The following DLG2 variants were observed in gnomAD, a reference collection of about 807,000 sequenced individuals.
The protein encoded by DLG2 is disks large homolog 2.
In DLG2, 45 loss-of-function variants were observed where a neutral mutation model predicts 132.5. The observed-to-expected ratio is 0.34, with a 90% CI of 0.27 to 0.44. DLG2 has a LOEUF of 0.44. Among genes scored for constraint, DLG2 ranks in the 20% least tolerant of loss-of-function variants. DLG2 has a pLI of 1.00. For synonymous variants in DLG2, 424 were observed against 419.6 expected, an observed-to-expected ratio of 1.01 and a Z score of -0.13; for missense variants, 1,045 against 1,196.9, an observed-to-expected ratio of 0.87 and a Z score of 1.87.
chr11:84,231,642 G>T lies in DLG2; in HGVS notation c.573+19596C>A, dbSNP rs1018869157. Among the ~76,000 whole-genome samples the T allele has an allele frequency of 3.9e-5, 6 of 152,160 alleles. No individual in the cohort carries two copies. In the East Asian group the frequency reaches 9.6e-4, roughly 24 times the overall value. On this transcript the variant is annotated intron_variant, in intron 8 of 27. Transcript: ENST00000376104. ...ATATTGTGTGAAAGGAATGGAGGAA[G>T]ATAAGGCACCAGTAAAAACTCTGAA...
At chr11:84,460,324 C>A (rs2099077055) in intron 7 of DLG2, among the ~76,000 whole-genome samples, 2 of 150,298 alleles carry the variant, frequency 1.3e-5, no homozygotes, top group African/African-American at 2.4e-5. Flanking sequence ...TTGTTCTTAT[C>A]ATTTTTGACA....
rs1262474599 is a variant in DLG2, at chr11:83,456,037, G to A, written c.*3781C>T. 6.6e-6 allele frequency: 1 copy of A among 152,620 alleles called. No individual in the cohort carries two copies. The allele number at this position is 152,620 out of a possible 1,614,324, so 9.5% of individuals were successfully genotyped here. On this transcript the variant is annotated 3_prime_UTR_variant, in exon 28 of 28. Transcript: ENST00000376104. ...AGCAGAGGGGGCTTCACATAAAAAT[G>A]GGAAAAAGAAAGCTTATGAATGGGA... is the stretch of plus-strand genomic sequence containing the variant.
intron 9 of DLG2, among the ~76,000 whole-genome samples, chr11:84,103,302 A>G (rs1281570642): frequency 2.0e-5 from 3 of 152,106 alleles, no homozygotes; most frequent in Non-Finnish European, 4.4e-5. Flanking sequence ...TGGCTGAATC[A>G]CTTCAATCCC....
intron 4 of DLG2, among the ~76,000 whole-genome samples, chr11:85,212,832 C>G (rs996904391): frequency 2.6e-5 from 4 of 152,128 alleles, no homozygotes; most frequent in Non-Finnish European, 4.4e-5. Context: ...AGTTGAACAT[C>G]TGATCAAATA....
At chr11:85,567,340 T>G (rs958829513) in intron 3 of DLG2, among the ~76,000 whole-genome samples, 4 of 152,202 alleles carry the variant, frequency 2.6e-5, no homozygotes, top group African/African-American at 4.8e-5. Flanking sequence ...TTTCATTTAT[T>G]TGAGCAATGT....
chr11:84,914,066 G>T (rs537677033), intron 6 of DLG2, among the ~76,000 whole-genome samples: 3 of 152,252 alleles, frequency 2.0e-5, no homozygotes, highest in Non-Finnish European at 2.9e-5. Context: ...ATAAATAAAT[G>T]TATGTGTACC....
rs115394285 is a variant in DLG2, at chr11:84,879,275, A to C, written c.357+232386T>G. 1.6e-3 allele frequency among the ~76,000 whole-genome samples: 240 copies of C among 152,296 alleles called. 2 individuals carry two copies. Among genetic ancestry groups the C allele is most frequent in the African/African-American group, 5.6e-3 (232 of 41,570 alleles). On this transcript the variant is annotated intron_variant, in intron 6 of 27. Coordinates refer to ENST00000376104, the MANE Select transcript of DLG2 (RefSeq NM_001142699.3). ...ACAAACAGGATAAAATTTCTGGTTC[A>C]ATTAGACTCTTAGAAATCACCAAAT...
At chr11:84,125,740 A>G (rs1185972357) in intron 9 of DLG2, among the ~76,000 whole-genome samples, 1 of 152,212 alleles carries the variant, frequency 6.6e-6, no homozygotes, top group Non-Finnish European at 1.5e-5. Flanking sequence ...TAGAGGACAC[A>G]TAAGATTTCT....
Position 84,416,454 on chromosome 11 carries a change from A to G in DLG2, c.519+118116T>C, listed in dbSNP as rs146196285. On this transcript the variant is annotated intron_variant, in intron 7 of 27. Transcript: ENST00000376104. ...AGCACAGTAATTTAAAACAACAGTA[A>G]CCAACTCCAAAGAGCATGAATTAGA... is the stretch of plus-strand genomic sequence containing the variant. Among the ~76,000 whole-genome samples the G allele has an allele frequency of 4.5e-3, 679 of 152,338 alleles. 6 individuals carry two copies. The highest frequency in any genetic ancestry group is 0.014 in the Middle Eastern group (4 of 294).
chr11:84,885,555 A>T (rs775201026), intron 6 of DLG2, among the ~76,000 whole-genome samples: 2 of 152,040 alleles, frequency 1.3e-5, no homozygotes, highest in African/African-American at 2.4e-5. Flanking sequence ...GAAATAAGTG[A>T]CTTTAATTCT....
chr11:84,011,546 T>C (rs2094894587), intron 11 of DLG2, among the ~76,000 whole-genome samples: 1 of 152,050 alleles, frequency 6.6e-6, no homozygotes, highest in African/African-American at 2.4e-5. Context: ...ATGTTACAGA[T>C]TGTGAGAAGA....
intron 11 of DLG2, among the ~76,000 whole-genome samples, chr11:83,996,411 G>A (rs1254977003): frequency 6.6e-6 from 1 of 152,144 alleles, no homozygotes; most frequent in Admixed American, 6.5e-5. Context: ...AGAACAGTTT[G>A]GACATTCCTC....
At chr11:83,937,551 A>G (rs997788223) in intron 14 of DLG2, among the ~76,000 whole-genome samples, 1 of 151,658 alleles carries the variant, frequency 6.6e-6, no homozygotes, top group Admixed American at 6.6e-5. Flanking sequence ...TGAAGCAAGA[A>G]CTCATAAACA....
At chr11:85,623,740 T>A (rs1426767140) in intron 2 of DLG2, among the ~76,000 whole-genome samples, 1 of 152,218 alleles carries the variant, frequency 6.6e-6, no homozygotes, top group Non-Finnish European at 1.5e-5. Context: ...ACTAGAAAAT[T>A]CTGTTAAAGC....
At chr11:84,615,818 T>TTAAAAAAAAA (rs2099602984) in intron 6 of DLG2, among the ~76,000 whole-genome samples, 3 of 67,640 alleles carry the variant, frequency 4.4e-5, no homozygotes, top group African/African-American at 1.2e-4. Flanking sequence ...ACAAAAACGG[T>TTAAAAAAAAA]AAAAAAAAAA....
intron 6 of DLG2, among the ~76,000 whole-genome samples, chr11:84,732,910 G>A (rs1014210185): frequency 7.9e-5 from 12 of 151,492 alleles, no homozygotes; most frequent in Admixed American, 3.3e-4. Context: ...TTGTCCTTGC[G>A]ATAGTTTGCT....
At chr11:85,211,257 C>T (rs1168788003) in intron 4 of DLG2, among the ~76,000 whole-genome samples, 2 of 152,034 alleles carry the variant, frequency 1.3e-5, no homozygotes, top group Non-Finnish European at 2.9e-5. Context: ...ATGTTAAGTA[C>T]TCAGTAGATC....
intron 3 of DLG2, among the ~76,000 whole-genome samples, chr11:85,316,363 A>T (rs568733186): frequency 6.6e-6 from 1 of 152,132 alleles, no homozygotes; most frequent in Admixed American, 6.6e-5. Flanking sequence ...ATGTTTAGTT[A>T]TTTGAGCATG....
At chr11:84,819,220 C>T (rs1403169982) in intron 6 of DLG2, among the ~76,000 whole-genome samples, 1 of 151,768 alleles carries the variant, frequency 6.6e-6, no homozygotes, top group East Asian at 1.9e-4. Flanking sequence ...GTATTTAAAC[C>T]TATATCTACC....
Sources: allele counts gnomAD v4.1 joint callset (sites outside exome capture counted in the v4.1 genomes callset), GRCh38; gene constraint gnomAD v4.1.1; transcripts MANE v1.5; gene names NCBI Gene and HGNC (gene_info 2026-07-23, HGNC 2026-07-21).